Variants in RFX8 observed in about 807,000 individuals in gnomAD.
The protein encoded by RFX8 is DNA-binding protein RFX8.
A neutral mutation model predicts 54.6 loss-of-function variants in RFX8; 46 were observed. The ratio of observed to expected loss-of-function variants is 0.84; its 90% CI spans 0.67 to 1.08. The LOEUF (loss-of-function observed/expected upper bound fraction) is 1.08, where lower values mean the gene tolerates loss of function less well. Among genes scored for constraint, RFX8 ranks in the 50% least tolerant of loss-of-function variants. RFX8 has a pLI of 0.00. For missense variants in RFX8, 536 were observed against 562.3 expected, an observed-to-expected ratio of 0.95 and a Z score of 0.47; for synonymous variants, 192 against 209.5, an observed-to-expected ratio of 0.92 and a Z score of 0.72.
chr2:101,397,521 T>G lies in RFX8; in HGVS notation c.*27A>C. On this transcript the variant is annotated 3_prime_UTR_variant, in exon 12 of 12. Coordinates refer to ENST00000428343, the MANE Select transcript of RFX8 (RefSeq NM_001145664.2). ...TTTAAGAATGCAAGTCTATCAGTTT[T>G]CTTATTCTCTATTCAAATAAATAAT... 6.9e-7 allele frequency: 1 copy of G among 1,441,430 alleles called. No individual in the cohort carries two copies. 89.3% of individuals were successfully genotyped at this position (1,441,430 alleles called of 1,614,324 possible). A position where few individuals can be genotyped will look rare whatever the true frequency, so the allele number is the denominator to read the frequency against.
chr2:101,424,502 T>G (rs563739225), intron 2 of RFX8, among the ~76,000 whole-genome samples: 1 of 152,160 alleles, frequency 6.6e-6, no homozygotes, highest in Non-Finnish European at 1.5e-5. Context: ...TTTGACCCAG[T>G]GATCCCATTA....
chr2:101,402,465 A>C lies in RFX8; in HGVS notation c.1216T>G (p.Phe406Val), dbSNP rs755915796. The C allele has an allele frequency of 2.6e-6, 4 of 1,550,098 alleles. No homozygotes were observed. The South Asian group carries it at 4.8e-5, about 18-fold the overall frequency. ...TTGCCCATGGCAGTGTCCACCAGGA[A>C]GCCCAGGATCCTGAGGACCATGTTG... is the stretch of plus-strand genomic sequence containing the variant. ...VSNMVLRILG[F>V]LVDTAMGNKL... Residue 406 changes from phenylalanine (F) to valine (V), a missense_variant, in exon 11 of 12, where the codon TTC (phenylalanine) becomes GTC (valine). By Grantham distance (50) the Phe-to-Val change is conservative. Coordinates refer to ENST00000428343, the MANE Select transcript of RFX8 (RefSeq NM_001145664.2).
intron 2 of RFX8, among the ~76,000 whole-genome samples, chr2:101,435,621 T>C (rs1181294799): frequency 3.9e-5 from 6 of 152,132 alleles, no homozygotes; most frequent in Non-Finnish European, 8.8e-5. Flanking sequence ...ATAAAATATT[T>C]TATACTTTGG....
chr2:101,422,345 C>T lies in RFX8; in HGVS notation c.183+17G>A. ...ATACAGCGTGAAAGGCTAATCTCCC[C>T]ATGAGTGCAAACCTACCATATTACA... On this transcript the variant is annotated intron_variant, in intron 3 of 11. Coordinates refer to ENST00000428343, the MANE Select transcript of RFX8 (RefSeq NM_001145664.2). 7.9e-7 allele frequency: 1 copy of T among 1,266,860 alleles called. No individual in the cohort carries two copies. The highest frequency in any genetic ancestry group is 1.3e-5 in the South Asian group (1 of 78,456). The allele number at this position is 1,266,860 out of a possible 1,614,324, so 78.5% of individuals were successfully genotyped here. A position where few individuals can be genotyped will look rare whatever the true frequency, so the allele number is the denominator to read the frequency against.
intron 11 of RFX8, among the ~76,000 whole-genome samples, chr2:101,399,013 T>C (rs914893530): frequency 6.6e-6 from 1 of 152,214 alleles, no homozygotes; most frequent in Non-Finnish European, 1.5e-5. Flanking sequence ...AATCCTGGAG[T>C]ACATGACCTA....
rs148433317 is a variant in RFX8 at position 101,402,845 on chromosome 2, C to T, written c.929-93G>A. The T allele has an allele frequency of 2.3e-4, 264 of 1,144,430 alleles. No individual in the cohort carries two copies. The African/African-American group carries it at 3.8e-3, about 16-fold the overall frequency. 70.9% of individuals were successfully genotyped at this position (1,144,430 alleles called of 1,614,324 possible). On this transcript the variant is annotated intron_variant, in intron 10 of 11. Transcript: ENST00000428343. ...CTAACAACTTTTCTGGGGCTAACAC[C>T]TGTGTACGTGAGCCTCGTTCCAATA...
intron 9 of RFX8, among the ~76,000 whole-genome samples, chr2:101,408,282 G>C (rs931779958): frequency 6.6e-6 from 1 of 152,126 alleles, no homozygotes; most frequent in Non-Finnish European, 1.5e-5. Flanking sequence ...TCAGGAGATG[G>C]AGACCATCCT....
At chr2:101,464,244 C>T (rs548095588) in intron 2 of RFX8, among the ~76,000 whole-genome samples, 12 of 152,340 alleles carry the variant, frequency 7.9e-5, no homozygotes, top group Non-Finnish European at 1.5e-4. Flanking sequence ...ACACATTCTC[C>T]TCTAATTTCC....
chr2:101,412,978 T>C lies in RFX8; in HGVS notation c.655A>G (p.Lys219Glu), dbSNP rs1330316679. ...CTCCGGTCACTTGCCAGGGCTTTCT[T>C]AGAAGTAGCCAAAGTGCCTTGATTG... The part of the protein sequence containing the change: ...IINQGTLATS[K>E]KALASDRSGA... Residue 219 changes from lysine to glutamate, a missense_variant, in exon 8 of 12, where the codon AAG (lysine) becomes GAG (glutamate). Transcript: ENST00000428343. 1 of 1,551,960 alleles carries C rather than the reference T, an allele frequency of 6.4e-7. No homozygotes were observed. The highest frequency in any genetic ancestry group is 2.4e-5 in the East Asian group (1 of 40,928).
At chr2:101,453,466 C>T (rs919834204) in intron 2 of RFX8, among the ~76,000 whole-genome samples, 13 of 151,780 alleles carry the variant, frequency 8.6e-5, no homozygotes, top group Non-Finnish European at 1.8e-4. Context: ...GGTGAAAACC[C>T]GTCTCTACTA....
At chr2:101,438,045 T>C (rs1317035364) in intron 2 of RFX8, among the ~76,000 whole-genome samples, 1 of 152,186 alleles carries the variant, frequency 6.6e-6, no homozygotes, top group Non-Finnish European at 1.5e-5. Context: ...TCCTCTTTTT[T>C]TTTAATTTTA....
intron 2 of RFX8, among the ~76,000 whole-genome samples, chr2:101,448,091 G>A (rs1558877672): frequency 6.6e-6 from 1 of 152,162 alleles, no homozygotes; most frequent in African/African-American, 2.4e-5. Context: ...AGGCTTCATG[G>A]CCTAATCATC....
intron 2 of RFX8, among the ~76,000 whole-genome samples, chr2:101,454,199 C>A (rs897286449): frequency 2.6e-5 from 4 of 152,154 alleles, no homozygotes; most frequent in African/African-American, 9.7e-5. Flanking sequence ...TTTCCAGCAT[C>A]ATCCATGTCC....
chr2:101,474,272 C>T (rs980131142), intron 1 of RFX8: 4 of 597,122 alleles, frequency 6.7e-6, no homozygotes, highest in Non-Finnish European at 1.2e-5. Context: ...ACCCCCTCGG[C>T]CATGGCTCGG....
At chr2:101,418,675 C>T (rs1190386422) in intron 5 of RFX8, among the ~76,000 whole-genome samples, 176 bp downstream of exon 5, 1 of 152,160 alleles carries the variant, frequency 6.6e-6, no homozygotes, top group African/African-American at 2.4e-5. Flanking sequence ...TGAGGTAATT[C>T]ACAAAGGAAA....
chr2:101,421,198 G>A, intron 4 of RFX8: 1 of 941,722 alleles, frequency 1.1e-6, no homozygotes, highest in Non-Finnish European at 1.3e-6. Context: ...ATTTGAATGT[G>A]CACTTGTTTC....
chr2:101,398,492 T>G (rs1193190079), intron 11 of RFX8, among the ~76,000 whole-genome samples: 1 of 152,010 alleles, frequency 6.6e-6, no homozygotes, highest in African/African-American at 2.4e-5. Context: ...GGAGCTGACA[T>G]AGTCAGTTCA....
rs991680211 is a variant in RFX8 at position 101,414,969 on chromosome 2, C to T, written c.503-57G>A. The T allele has an allele frequency of 5.2e-6, 7 of 1,349,514 alleles. No homozygotes were observed. The African/African-American group carries it at 5.8e-5, about 11-fold the overall frequency. The allele number at this position is 1,349,514 out of a possible 1,614,324, so 83.6% of individuals were successfully genotyped here. ...CAATAACTTCAAGTTCTCATGTGGG[C>T]AGTGGGGAAGAGAAGGTGCATGTTT... On this transcript the variant is annotated intron_variant, in intron 6 of 11. Transcript: ENST00000428343.
Position 101,415,677 on chromosome 2 carries a change from A to G in RFX8, c.503-765T>C, listed in dbSNP as rs1686454888. On this transcript the variant is annotated intron_variant, in intron 6 of 11. Transcript: ENST00000428343. ...ACACTCGTGCAGTGTTTGCTCAATA[A>G]CTATTTGCTGGATGGCTGCTGAGCT... Among the ~76,000 whole-genome samples, 4 of 152,216 alleles carry G rather than the reference A, an allele frequency of 2.6e-5. No homozygotes were observed. In the South Asian group the frequency reaches 8.3e-4, roughly 31 times the overall value.
Sources: gnomAD v4.1 joint callset for allele counts (sites outside exome capture counted in the v4.1 genomes callset) on GRCh38, gnomAD v4.1.1 for gene constraint, MANE v1.5 for transcripts, NCBI Gene and HGNC (gene_info 2026-07-23, HGNC 2026-07-21) for gene names.